The following TRPM3 variants were observed in gnomAD, a reference collection of about 807,000 sequenced individuals.
TRPM3 encodes the protein transient receptor potential cation channel subfamily M member 3, also known as long transient receptor potential channel 3.
TRPM3 carries 77 observed loss-of-function variants against 181.2 expected under a neutral mutation model. The ratio of observed to expected loss-of-function variants is 0.42; its 90% CI spans 0.35 to 0.51. The LOEUF (loss-of-function observed/expected upper bound fraction) is 0.51, where lower values mean the gene tolerates loss of function less well. Among genes scored for constraint, TRPM3 ranks in the 20% least tolerant of loss-of-function variants. The probability of loss-of-function intolerance (pLI) is 0.01; values close to 1 mark genes in which losing one functional copy is unlikely to be tolerated. For synonymous variants in TRPM3, 745 were observed against 796.4 expected, an observed-to-expected ratio of 0.94 and a Z score of 1.09; for missense variants, 1,759 against 2,196.7, an observed-to-expected ratio of 0.80 and a Z score of 3.98.
intron 1 of TRPM3, among the ~76,000 whole-genome samples, chr9:71,399,534 T>C (rs1302864785): frequency 7.7e-6 from 1 of 129,806 alleles, no homozygotes; most frequent in Non-Finnish European, 1.6e-5. Context: ...TTGTTTTTTT[T>C]TTTTTTTTTT....
chr9:71,283,451 C>A (rs1027364115), intron 1 of TRPM3, among the ~76,000 whole-genome samples: 1 of 152,066 alleles, frequency 6.6e-6, no homozygotes, highest in South Asian at 2.1e-4. Context: ...CACCCACCAC[C>A]ACGCCTGGCT....
chr9:70,962,346 G>A (rs2097144449), intron 1 of TRPM3, among the ~76,000 whole-genome samples: 1 of 151,918 alleles, frequency 6.6e-6, no homozygotes, highest in Non-Finnish European at 1.5e-5. Context: ...AATATTATAG[G>A]ATCTGCCTGT....
At chr9:71,446,886 G>T (rs1230527926), upstream of TRPM3, 4 of 1,453,024 alleles carry the variant, frequency 2.8e-6, no homozygotes, top group African/African-American at 2.9e-5. Flanking sequence ...GAGCGCTCTC[G>T]CTGGCTCCTC....
At chr9:70,688,222 A>G (rs1587246224) in intron 8 of TRPM3, among the ~76,000 whole-genome samples, 1 of 152,244 alleles carries the variant, frequency 6.6e-6, no homozygotes, top group South Asian at 2.1e-4. Flanking sequence ...AGTGGCCTTC[A>G]TTCCCTATGA....
In TRPM3 at chr9:71,446,651, A is replaced by G. The variant is rs2094208554; in HGVS notation, c.183+2T>C. ...GACTGGGGCTCTCCCCCGGCCACTCACCGGCGTCTGCTGCGACGGGAGTCC... is the reference window on the plus strand; with the variant it reads ...GACTGGGGCTCTCCCCCGGCCACTCGCCGGCGTCTGCTGCGACGGGAGTCC... On this transcript the variant is annotated splice_donor_variant, in intron 1 of 24. Transcript: ENST00000357533. LOFTEE classifies it high-confidence loss of function. The G allele has an allele frequency of 1.9e-6, 3 of 1,549,738 alleles. No individual in the cohort carries two copies. In the South Asian group the frequency reaches 3.6e-5, roughly 18 times the overall value.
At chr9:70,833,415 T>G (rs1208914670) in intron 5 of TRPM3, among the ~76,000 whole-genome samples, 2 of 152,190 alleles carry the variant, frequency 1.3e-5, no homozygotes, top group Non-Finnish European at 2.9e-5. Flanking sequence ...AAACAATCAT[T>G]CTTTCCTAAT....
intron 1 of TRPM3, among the ~76,000 whole-genome samples, chr9:71,280,488 CCAA>C (rs1428971532): frequency 6.6e-6 from 1 of 151,136 alleles, no homozygotes; most frequent in Admixed American, 6.6e-5. Context: ...TCAGAAAAAG[CCAA>C]CAACAGCAAG....
chr9:70,859,874 G>T (rs943185661), intron 3 of TRPM3, among the ~76,000 whole-genome samples: 2 of 152,136 alleles, frequency 1.3e-5, no homozygotes, highest in African/African-American at 4.8e-5. Flanking sequence ...ACTGAAAGTG[G>T]AAATCTAAGT....
At chr9:70,578,443 T>C (rs965090552) in intron 22 of TRPM3, among the ~76,000 whole-genome samples, 9 of 152,232 alleles carry the variant, frequency 5.9e-5, no homozygotes, top group Admixed American at 5.2e-4. Context: ...GTTCTTCTTG[T>C]TCTTCATAGC....
chr9:71,420,989 G>GGGAGAGAAAAAGAGAGAAAA (rs2093756933), intron 1 of TRPM3, among the ~76,000 whole-genome samples: 5 of 101,878 alleles, frequency 4.9e-5, no homozygotes, highest in South Asian at 6.4e-4. Flanking sequence ...GAGAGAAAAA[G>GGGAGAGAAAAAGAGAGAAAA]AGAGAGAAAA....
At chr9:70,840,607 G>A (rs915211965) in intron 5 of TRPM3, among the ~76,000 whole-genome samples, 1 of 151,988 alleles carries the variant, frequency 6.6e-6, no homozygotes, top group Non-Finnish European at 1.5e-5. Flanking sequence ...AGAAGAATGG[G>A]AAGAAACAAA....
In TRPM3 at chr9:70,625,072, G is replaced by C; in HGVS notation, c.1809+119C>G. ...TTCATTACTTTTCTTTGATTGTTTA[G>C]GTTCACTCTCAGCGCAATTTTCTGA... is the stretch of plus-strand genomic sequence containing the variant. On this transcript the variant is annotated intron_variant, in intron 14 of 25. Coordinates refer to ENST00000677713, the MANE Select transcript of TRPM3 (RefSeq NM_001366145.2). The surrounding 1 kb of genome is among the most constrained non-coding windows in gnomAD (Gnocchi z 4.8). 1.8e-6 allele frequency: 2 copies of C among 1,094,530 alleles called. No individual in the cohort carries two copies. The allele number at this position is 1,094,530 out of a possible 1,614,324, so 67.8% of individuals were successfully genotyped here.
chr9:70,834,603 T>C (rs1171435991), intron 5 of TRPM3, among the ~76,000 whole-genome samples: 3 of 152,220 alleles, frequency 2.0e-5, no homozygotes, highest in Admixed American at 2.0e-4. Context: ...AGGGTTTCTC[T>C]TAGCTCTCTC....
chr9:70,629,538 T>C lies in TRPM3; in HGVS notation c.1633-4021A>G, dbSNP rs545700343. ...TTTTAGGAGAGATGGGGTTTCACCA[T>C]GTTGGTCAGGCTGGTCTCGAACTCC... On this transcript the variant is annotated intron_variant, in intron 12 of 25. Transcript: ENST00000677713. Among the ~76,000 whole-genome samples the C allele has an allele frequency of 3.2e-4, 49 of 152,224 alleles. 1 individual carries two copies. The South Asian group carries it at 1.0e-2, about 31-fold the overall frequency.
At chr9:70,795,513 C>A (rs1402172718) in intron 6 of TRPM3, among the ~76,000 whole-genome samples, 1 of 152,096 alleles carries the variant, frequency 6.6e-6, no homozygotes, top group Admixed American at 6.6e-5. Context: ...GTTTGAATAC[C>A]CTCTTATGCA....
chr9:70,761,564 T>C (rs1564168249), intron 8 of TRPM3, 37 bp downstream of exon 8: 4 of 1,613,838 alleles, frequency 2.5e-6, no homozygotes, highest in Non-Finnish European at 3.4e-6. Context: ...TGACTGAAAA[T>C]GTGGAGACAG....
intron 20 of TRPM3, among the ~76,000 whole-genome samples, chr9:70,601,483 A>T (rs1295204908): frequency 6.6e-6 from 1 of 152,162 alleles, no homozygotes; most frequent in South Asian, 2.1e-4. Context: ...CAGGAAGGGC[A>T]TGGCCTGTGG....
intron 1 of TRPM3, among the ~76,000 whole-genome samples, chr9:71,177,214 T>G (rs2077148742): frequency 6.6e-6 from 1 of 152,160 alleles, no homozygotes. Context: ...GACCTTCTAG[T>G]TGCAGGAAAA....
At chr9:70,817,575 G>A (rs1470346898) in intron 6 of TRPM3, among the ~76,000 whole-genome samples, 2 of 152,176 alleles carry the variant, frequency 1.3e-5, no homozygotes, top group Non-Finnish European at 2.9e-5. Context: ...GATTCAGCGG[G>A]GAAAGTGTCA....
Sources: allele counts gnomAD v4.1 joint callset (sites outside exome capture counted in the v4.1 genomes callset), GRCh38; gene constraint gnomAD v4.1.1; non-coding constraint Gnocchi (gnomAD v3.1); transcripts MANE v1.5; gene names NCBI Gene and HGNC (gene_info 2026-07-23, HGNC 2026-07-21).